PPM1L: variants seen among roughly 807,000 people sequenced by gnomAD.
The protein encoded by PPM1L is protein phosphatase, Mg2+/Mn2+ dependent 1L.
PPM1L carries 13 observed loss-of-function variants against 31.4 expected under a neutral mutation model. The observed-to-expected ratio is 0.41, with a 90% CI of 0.27 to 0.66. The LOEUF (loss-of-function observed/expected upper bound fraction) is 0.66, where lower values mean the gene tolerates loss of function less well. PPM1L is among the 30% of genes least tolerant of loss of function. The pLI is 0.29. For missense variants in PPM1L, 326 were observed against 453.7 expected (o/e 0.72, Z 2.56); for synonymous variants, 184 against 175.4 (o/e 1.05, Z -0.39).
intron 2 of PPM1L, among the ~76,000 whole-genome samples, chr3:161,043,134 C>A (rs1718960298): frequency 6.6e-6 from 1 of 150,568 alleles, no homozygotes; most frequent in Non-Finnish European, 1.5e-5. Context: ...GAAGCCAGTT[C>A]AACTTAGAGT....
At chr3:161,030,993 C>T (rs912900548) in intron 2 of PPM1L, among the ~76,000 whole-genome samples, 2 of 152,184 alleles carry the variant, frequency 1.3e-5, no homozygotes. Context: ...AAAAACCACA[C>T]CTACCCTCCC....
At chr3:160,828,534 G>C (rs1454944030) in intron 1 of PPM1L, among the ~76,000 whole-genome samples, 1 of 152,130 alleles carries the variant, frequency 6.6e-6, no homozygotes, top group Non-Finnish European at 1.5e-5. Context: ...CAATAAGTAA[G>C]TAAAAAGCAG....
chr3:160,801,056 G>A (rs1712411053), intron 1 of PPM1L, among the ~76,000 whole-genome samples: 1 of 151,786 alleles, frequency 6.6e-6, no homozygotes, highest in Admixed American at 6.6e-5. Flanking sequence ...GAATTTATTT[G>A]AGAAAACGTA....
intron 2 of PPM1L, among the ~76,000 whole-genome samples, chr3:161,045,017 G>C (rs1323910516): frequency 6.6e-6 from 1 of 152,122 alleles, no homozygotes; most frequent in Non-Finnish European, 1.5e-5. Flanking sequence ...GATCAAAAGA[G>C]ACAAAGAAGG....
chr3:160,798,239 A>G (rs1392888625), intron 1 of PPM1L, among the ~76,000 whole-genome samples: 1 of 152,190 alleles, frequency 6.6e-6, no homozygotes, highest in Non-Finnish European at 1.5e-5. Flanking sequence ...TGCAGAAGAT[A>G]TTGCTAAAAT....
chr3:160,782,564 GA>G (rs71147383), intron 1 of PPM1L, among the ~76,000 whole-genome samples: 69 of 152,000 alleles, frequency 4.5e-4, no homozygotes, highest in African/African-American at 1.5e-3. Context: ...TTAGTTTTTT[GA>G]AAAAAATGCA....
intron 2 of PPM1L, among the ~76,000 whole-genome samples, chr3:160,997,636 A>C (rs768673171): frequency 3.3e-5 from 5 of 152,144 alleles, no homozygotes; most frequent in Non-Finnish European, 2.9e-5. Context: ...TGTCCTCTTA[A>C]AGATAACCTT....
chr3:161,025,681 C>G (rs1337399574), intron 2 of PPM1L, among the ~76,000 whole-genome samples: 4 of 152,066 alleles, frequency 2.6e-5, no homozygotes, highest in African/African-American at 9.7e-5. Flanking sequence ...GAGGCTGGTG[C>G]CTTGATCTTG....
intron 1 of PPM1L, among the ~76,000 whole-genome samples, chr3:160,811,536 G>A (rs1712804868): frequency 6.6e-6 from 1 of 152,194 alleles, no homozygotes; most frequent in African/African-American, 2.4e-5. Context: ...TCTCTATCTG[G>A]CTCTTTACAG....
chr3:160,950,086 C>A (rs78760818), intron 1 of PPM1L, among the ~76,000 whole-genome samples: 2,329 of 152,252 alleles, frequency 0.015, 29 homozygotes, highest in Middle Eastern at 0.037. Context: ...TTTTCCTCCA[C>A]ACAAAGTTAA....
intron 1 of PPM1L, among the ~76,000 whole-genome samples, chr3:160,870,243 C>G (rs1421805973): frequency 6.6e-6 from 1 of 152,114 alleles, no homozygotes; most frequent in Non-Finnish European, 1.5e-5. Context: ...ACCACTATGA[C>G]AAAGTTGTCC....
At chr3:160,842,824 A>T (rs1403619986) in intron 1 of PPM1L, among the ~76,000 whole-genome samples, 1 of 152,140 alleles carries the variant, frequency 6.6e-6, no homozygotes, top group Non-Finnish European at 1.5e-5. Context: ...CCTGCGGAGG[A>T]TTGTTTTTAA....
At chr3:161,039,651 T>A (rs1028678464) in intron 2 of PPM1L, among the ~76,000 whole-genome samples, 14 of 151,980 alleles carry the variant, frequency 9.2e-5, no homozygotes, top group African/African-American at 3.4e-4. Context: ...GCCTCCCGAG[T>A]AGCTGGGACT....
chr3:160,948,693 G>C (rs1164169271), intron 1 of PPM1L, among the ~76,000 whole-genome samples: 2 of 152,144 alleles, frequency 1.3e-5, no homozygotes, highest in Non-Finnish European at 2.9e-5. Context: ...AGGCTGAGCA[G>C]ACTAGCAATT....
chr3:160,829,965 G>C (rs1456313445), intron 1 of PPM1L, among the ~76,000 whole-genome samples: 1 of 152,170 alleles, frequency 6.6e-6, no homozygotes, highest in Non-Finnish European at 1.5e-5. Flanking sequence ...CCTGGCAGCT[G>C]CGTCTCAGCC....
intron 2 of PPM1L, among the ~76,000 whole-genome samples, chr3:161,029,726 C>T (rs1026478778): frequency 7.2e-5 from 11 of 152,132 alleles, no homozygotes; most frequent in Non-Finnish European, 1.6e-4. Flanking sequence ...AAACCACCTA[C>T]CCCTCTACTG....
chr3:161,049,025 C>T lies in PPM1L; in HGVS notation c.575-16378C>T, dbSNP rs1157689239. Among the ~76,000 whole-genome samples the T allele has an allele frequency of 2.0e-5, 3 of 149,288 alleles. No homozygotes were observed. The East Asian group carries it at 6.1e-4, about 30-fold the overall frequency. On this transcript the variant is annotated intron_variant, in intron 2 of 3. Transcript: ENST00000498165. ...AGCGCACCAACATGGCACATATATA[C>T]ATATGTAACACACCTGCAGGTTGTG...
At chr3:161,043,633 G>A (rs1718972424) in intron 2 of PPM1L, among the ~76,000 whole-genome samples, 2 of 152,152 alleles carry the variant, frequency 1.3e-5, no homozygotes, top group Non-Finnish European at 1.5e-5. Context: ...CACCAATGTT[G>A]AATTGGTTTC....
At chr3:160,965,819 G>A (rs958324338) in intron 2 of PPM1L, among the ~76,000 whole-genome samples, 8 of 152,012 alleles carry the variant, frequency 5.3e-5, no homozygotes, top group Non-Finnish European at 1.2e-4. Context: ...TCTCTAGAGA[G>A]GTTAATTTGT....
Sources: gnomAD v4.1 joint callset for allele counts (sites outside exome capture counted in the v4.1 genomes callset) on GRCh38, gnomAD v4.1.1 for gene constraint, MANE v1.5 for transcripts, NCBI Gene and HGNC (gene_info 2026-07-23, HGNC 2026-07-21) for gene names.